MTBP: variants seen among roughly 807,000 people sequenced by gnomAD.
MTBP encodes mdm2-binding protein.
MTBP carries 101 observed loss-of-function variants against 117.0 expected under a neutral mutation model. The observed-to-expected ratio is 0.86, with a 90% CI of 0.73 to 1.02. The LOEUF (loss-of-function observed/expected upper bound fraction) is 1.02. MTBP is among the 50% of genes least tolerant of loss of function. The pLI is 0.00. For missense variants in MTBP, 970 were observed against 1,030.9 expected, an observed-to-expected ratio of 0.94 and a Z score of 0.81; for synonymous variants, 350 against 351.5, an observed-to-expected ratio of 1.00 and a Z score of 0.05.
chr8:120,461,069 G>A, intron 8 of MTBP, 92 bp from the exon 9 acceptor site: 1 of 915,118 alleles, frequency 1.1e-6, no homozygotes, highest in Admixed American at 2.4e-5. Context: ...TGCTTTTTAA[G>A]ATCCATTTTA....
At chr8:120,485,871 G>A (rs1399646610) in intron 11 of MTBP, among the ~76,000 whole-genome samples, 2 of 152,046 alleles carry the variant, frequency 1.3e-5, no homozygotes, top group Non-Finnish European at 2.9e-5. Context: ...CAGAGGGTGC[G>A]GCCTTCAGTG....
intron 10 of MTBP, among the ~76,000 whole-genome samples, chr8:120,469,955 C>A (rs1033789515): frequency 2.0e-5 from 3 of 152,084 alleles, no homozygotes; most frequent in African/African-American, 7.2e-5. Context: ...GTAACTAGTC[C>A]ATCAATATAG....
intron 16 of MTBP, among the ~76,000 whole-genome samples, chr8:120,508,293 A>G (rs879690140): frequency 1.1e-4 from 16 of 152,188 alleles, no homozygotes; most frequent in Non-Finnish European, 1.8e-4. Flanking sequence ...GACAAAACAC[A>G]TATTTATCAA....
chr8:120,503,455 G>A (rs1024996901), intron 15 of MTBP, among the ~76,000 whole-genome samples: 1 of 152,156 alleles, frequency 6.6e-6, no homozygotes. Context: ...GTTGTGGGGA[G>A]GGAAGTGGTA....
chr8:120,520,623 T>A (rs527384930), intron 20 of MTBP, among the ~76,000 whole-genome samples: 2 of 152,210 alleles, frequency 1.3e-5, no homozygotes, highest in Admixed American at 6.5e-5. Flanking sequence ...TCACACCTCT[T>A]AGCATGGAGA....
At chr8:120,471,803 G>T (rs1158559480) in intron 11 of MTBP, 1 of 152,120 alleles carries the variant, frequency 6.6e-6, no homozygotes, top group Non-Finnish European at 1.5e-5. Flanking sequence ...TTCTCCAAGG[G>T]TTTGAATCTG....
In MTBP at chr8:120,456,802, A is replaced by G. The variant is rs897378543; in HGVS notation, c.747+132A>G. On this transcript the variant is annotated intron_variant, in intron 7 of 21. Coordinates refer to ENST00000305949, the MANE Select transcript of MTBP (RefSeq NM_022045.5). Reference sequence around the variant, plus strand: ...ATAGCACTAAGTAGAACTTTCTGCAATAATTAAATGTTCTATATCTGTGCT... The same window carrying G: ...ATAGCACTAAGTAGAACTTTCTGCAGTAATTAAATGTTCTATATCTGTGCT... 1.4e-5 allele frequency: 9 copies of G among 645,542 alleles called. No individual in the cohort carries two copies. In the South Asian group the frequency reaches 1.4e-4, roughly 10 times the overall value. The allele number at this position is 645,542 out of a possible 1,614,324, so 40.0% of individuals were successfully genotyped here.
intron 15 of MTBP, among the ~76,000 whole-genome samples, chr8:120,505,273 C>CACTTTAGGGCAT (rs1814666616): frequency 1.3e-5 from 2 of 152,110 alleles, no homozygotes; most frequent in Non-Finnish European, 2.9e-5. Flanking sequence ...TGTCAGGCTT[C>CACTTTAGGGCAT]ACTTTAGGGC....
At chr8:120,460,605 C>A (rs57416610) in intron 8 of MTBP, among the ~76,000 whole-genome samples, 1 of 152,028 alleles carries the variant, frequency 6.6e-6, no homozygotes, top group African/African-American at 2.4e-5. Flanking sequence ...AATACAGTAC[C>A]GAAATTTTAT....
At chr8:120,471,256 G>A in intron 11 of MTBP, 1 of 172,684 alleles carries the variant, frequency 5.8e-6, no homozygotes, top group Non-Finnish European at 1.2e-5. Context: ...TTTATTATAT[G>A]GTACATAAAA....
At chr8:120,473,997 C>G (rs1813880230) in intron 11 of MTBP, 3 of 152,030 alleles carry the variant, frequency 2.0e-5, no homozygotes, top group Admixed American at 2.0e-4. Flanking sequence ...CTTCAAACTA[C>G]CATTATGTTG....
intron 12 of MTBP, among the ~76,000 whole-genome samples, chr8:120,489,956 T>C (rs920369039): frequency 4.6e-4 from 70 of 152,294 alleles, no homozygotes; most frequent in African/African-American, 1.6e-3. Flanking sequence ...TTCAAGATAG[T>C]ACATTTCCAG....
At chr8:120,483,493 G>A (rs1311200564) in intron 11 of MTBP, among the ~76,000 whole-genome samples, 1 of 152,004 alleles carries the variant, frequency 6.6e-6, no homozygotes, top group Non-Finnish European at 1.5e-5. Flanking sequence ...CCATCATGTG[G>A]AATATTATTT....
intron 11 of MTBP, chr8:120,471,170 A>G (rs1480720147): frequency 1.1e-5 from 4 of 362,328 alleles, no homozygotes; most frequent in Non-Finnish European, 1.5e-5. Context: ...CTCTTGGTTC[A>G]TTAGATAGCT....
chr8:120,505,464 G>A (rs906445644), intron 15 of MTBP, among the ~76,000 whole-genome samples: 2 of 152,066 alleles, frequency 1.3e-5, no homozygotes, highest in African/African-American at 2.4e-5. Context: ...TGAGTGTTTT[G>A]TTGACTGTTT....
chr8:120,516,974 A>G (rs1288499665), intron 18 of MTBP, among the ~76,000 whole-genome samples: 2 of 152,022 alleles, frequency 1.3e-5, no homozygotes, highest in Admixed American at 6.6e-5. Flanking sequence ...GGTACTTTTT[A>G]TACCTGATAA....
intron 2 of MTBP, 54 bp downstream of exon 2, chr8:120,446,567 A>C: frequency 1.8e-6 from 2 of 1,108,926 alleles, no homozygotes; most frequent in Admixed American, 3.4e-5. Context: ...CTGGAAATTA[A>C]CTTAATTAAT....
At chr8:120,450,929 G>A in intron 2 of MTBP, 74 bp from the exon 3 acceptor site, 1 of 992,844 alleles carries the variant, frequency 1.0e-6, no homozygotes, top group Non-Finnish European at 1.5e-6. Flanking sequence ...TGGTCTGTAA[G>A]TACGGTATAT....
intron 9 of MTBP, among the ~76,000 whole-genome samples, chr8:120,462,535 T>C (rs143109818): frequency 2.3e-4 from 35 of 152,280 alleles, no homozygotes; most frequent in African/African-American, 8.2e-4. Flanking sequence ...TTAAAAAATT[T>C]TTTATCCATT....
Sources: allele counts gnomAD v4.1 joint callset (sites outside exome capture counted in the v4.1 genomes callset), GRCh38; gene constraint gnomAD v4.1.1; transcripts MANE v1.5; gene names NCBI Gene and HGNC (gene_info 2026-07-23, HGNC 2026-07-21).